The following MORN5 variants were observed in gnomAD, a reference collection of about 807,000 sequenced individuals.
MORN5 encodes MORN repeat containing 5, also known as MORN repeat-containing protein 5.
A neutral mutation model predicts 22.1 loss-of-function variants in MORN5; 21 were observed. The ratio of observed to expected loss-of-function variants is 0.95; its 90% confidence interval spans 0.67 to 1.37. MORN5 has a LOEUF of 1.37. Ranked by LOEUF, MORN5 falls within the 40% of genes most tolerant of loss-of-function variation. MORN5 has a pLI of 0.00. For missense variants in MORN5, 211 were observed against 215.1 expected (o/e 0.98, Z 0.12); for synonymous variants, 73 against 74.0 (o/e 0.99, Z 0.07).
intron 4 of MORN5, among the ~76,000 whole-genome samples, chr9:122,185,448 G>T (rs760907699): frequency 1.4e-5 from 2 of 143,876 alleles, no homozygotes; most frequent in East Asian, 1.9e-4. Context: ...GGATGGTCTC[G>T]ATCTCCTGAC....
chr9:122,185,884 C>A (rs1829622756), intron 4 of MORN5, among the ~76,000 whole-genome samples: 2 of 152,208 alleles, frequency 1.3e-5, no homozygotes, highest in Admixed American at 1.3e-4. Context: ...GCTTTCCTTG[C>A]AGTTTCTGCA....
Position 122,176,113 on chromosome 9 carries a change from G to A in MORN5, c.439+1486G>A, listed in dbSNP as rs571011265. 2.5e-4 allele frequency among the ~76,000 whole-genome samples: 33 copies of A among 130,954 alleles called. No homozygotes were observed. The East Asian group carries it at 6.6e-3, about 26-fold the overall frequency. 85.9% of individuals were successfully genotyped at this position (130,954 alleles called of 152,430 possible). ...AGCCTGGGCGACAGAGCAAGACTCC[G>A]TCTCAAAAAAAAAAAAAAAAAAAAG... On this transcript the variant is annotated intron_variant, in intron 4 of 4. Transcript: ENST00000373764.
intron 4 of MORN5, among the ~76,000 whole-genome samples, chr9:122,190,199 G>A (rs891244045): frequency 1.3e-5 from 2 of 152,210 alleles, no homozygotes; most frequent in Non-Finnish European, 2.9e-5. Context: ...CCCTGACTTA[G>A]CCCCATCCCA....
chr9:122,166,630 A>C (rs1180912029), intron 1 of MORN5, 138 bp from the exon 2 acceptor site: 1 of 754,576 alleles, frequency 1.3e-6, no homozygotes, highest in Non-Finnish European at 2.1e-6. Flanking sequence ...CAAAACAAAA[A>C]TTTTGTTTTC....
rs113852246 is a variant in MORN5 at position 122,199,656 on chromosome 9, TCCG to T, written c.440-226_440-224del. On this transcript the variant is annotated intron_variant, in intron 4 of 4. Transcript: ENST00000373764. Reference sequence around the variant, plus strand: ...GGTGGCCAGACTCCTCATGCTTGCCTCCGCCAGCAGCACCCACAGTTAGAAACC... The same window carrying T: ...GGTGGCCAGACTCCTCATGCTTGCCTCCAGCAGCACCCACAGTTAGAAACC... Among the ~76,000 whole-genome samples the T allele has an allele frequency of 5.4e-3, 815 of 152,232 alleles. 6 individuals are homozygous for T. Among genetic ancestry groups the T allele is most frequent in the African/African-American group, 0.018 (729 of 41,526 alleles).
chr9:122,165,793 A>T (rs1829267760), intron 1 of MORN5, among the ~76,000 whole-genome samples: 1 of 152,150 alleles, frequency 6.6e-6, no homozygotes, highest in East Asian at 1.9e-4. Flanking sequence ...AGCAAGTTGG[A>T]CCATCAGCAT....
chr9:122,162,744 C>T (rs1195217264), intron 1 of MORN5, among the ~76,000 whole-genome samples: 1 of 152,036 alleles, frequency 6.6e-6, no homozygotes, highest in Non-Finnish European at 1.5e-5. Context: ...CTGTATGATT[C>T]CATTTATGTA....
At chr9:122,172,212 C>T (rs989525825) in intron 3 of MORN5, among the ~76,000 whole-genome samples, 2 of 151,396 alleles carry the variant, frequency 1.3e-5, no homozygotes, top group South Asian at 4.2e-4. Flanking sequence ...CCTCAAGCAA[C>T]CTTCCCTCCT....
chr9:122,176,022 A>G (rs891946217), intron 4 of MORN5, among the ~76,000 whole-genome samples: 25 of 151,628 alleles, frequency 1.6e-4, no homozygotes. Flanking sequence ...GCAGGATGAG[A>G]CAGGAGAATG....
intron 4 of MORN5, among the ~76,000 whole-genome samples, chr9:122,194,086 G>A (rs879850266): frequency 4.6e-5 from 7 of 152,144 alleles, no homozygotes; most frequent in Admixed American, 2.0e-4. Flanking sequence ...AGGTGGCAGC[G>A]AGGTCACTTC....
At position 122,197,500 on chromosome 9, in the gene MORN5, G is replaced by A. The variant is rs1438607486; in HGVS notation, c.440-2385G>A. Among the ~76,000 whole-genome samples the A allele has an allele frequency of 2.0e-5, 3 of 152,190 alleles. No homozygotes were observed. Among genetic ancestry groups the A allele is most frequent in the African/African-American group, 4.8e-5 (2 of 41,448 alleles). ...CCTCACCCTGGCGTGGCAGGGCCAGGGGAGCCGCAGAGAGGCGCAGGGGAG... is the reference window on the plus strand; with the variant it reads ...CCTCACCCTGGCGTGGCAGGGCCAGAGGAGCCGCAGAGAGGCGCAGGGGAG... On this transcript the variant is annotated intron_variant, in intron 4 of 4. Coordinates refer to ENST00000373764, the MANE Select transcript of MORN5 (RefSeq NM_198469.4). The surrounding 1 kb of genome is among the most constrained non-coding windows in gnomAD (Gnocchi z 5.7).
chr9:122,199,990 T>C lies in MORN5; in HGVS notation c.*59T>C, dbSNP rs1169397090. Reference sequence around the variant, plus strand: ...ACTCTGTGGCTGCCTCCACCAGAGGTTTCCATCTGCCCTACTAGCATTGGC... The same window carrying C: ...ACTCTGTGGCTGCCTCCACCAGAGGCTTCCATCTGCCCTACTAGCATTGGC... On this transcript the variant is annotated 3_prime_UTR_variant, in exon 5 of 5. Transcript: ENST00000373764. 1.9e-6 allele frequency: 3 copies of C among 1,568,112 alleles called. No homozygotes were observed. Among genetic ancestry groups the C allele is most frequent in the Non-Finnish European group, 2.6e-6 (3 of 1,138,334 alleles).
chr9:122,192,523 C>G (rs544473998), intron 4 of MORN5, among the ~76,000 whole-genome samples: 91 of 149,308 alleles, frequency 6.1e-4, no homozygotes, highest in Non-Finnish European at 1.2e-3. Flanking sequence ...TTCAGGATCT[C>G]TTTTTCCCCC....
intron 4 of MORN5, among the ~76,000 whole-genome samples, chr9:122,196,705 G>C (rs925738901): frequency 6.6e-6 from 1 of 152,214 alleles, no homozygotes; most frequent in South Asian, 2.1e-4. Flanking sequence ...AAATAAAAGC[G>C]GAAAGAGAAA....
At position 122,197,889 on chromosome 9, in the gene MORN5, C is replaced by T. The variant is rs1373130613; in HGVS notation, c.440-1996C>T. Among the ~76,000 whole-genome samples, 1 of 152,202 alleles carries T rather than the reference C, an allele frequency of 6.6e-6. No homozygotes were observed. Among genetic ancestry groups the T allele is most frequent in the East Asian group, 1.9e-4 (1 of 5,190 alleles). On this transcript the variant is annotated intron_variant, in intron 4 of 4. Coordinates refer to ENST00000373764, the MANE Select transcript of MORN5 (RefSeq NM_198469.4). The surrounding 1 kb of genome is among the most constrained non-coding windows in gnomAD (Gnocchi z 5.7). ...TTTCCCCACCCCTGGATTTCCCAGC[C>T]GCAGCAGGGACTCCCAGGCAGCCTC...
chr9:122,184,189 AT>A (rs1829577027), intron 4 of MORN5, among the ~76,000 whole-genome samples: 1 of 152,118 alleles, frequency 6.6e-6, no homozygotes, highest in Non-Finnish European at 1.5e-5. Flanking sequence ...GGGTTAAGGA[AT>A]TTCCCCAGGA....
At chr9:122,196,686 A>G (rs192909136) in intron 4 of MORN5, among the ~76,000 whole-genome samples, 12 of 152,362 alleles carry the variant, frequency 7.9e-5, no homozygotes, top group Admixed American at 5.9e-4. Context: ...TAGTGAAAGA[A>G]GATTTGGGAA....
chr9:122,187,598 G>C (rs1440415039), intron 4 of MORN5, among the ~76,000 whole-genome samples: 4 of 152,216 alleles, frequency 2.6e-5, no homozygotes, highest in African/African-American at 7.2e-5. Context: ...TCTGGATAGA[G>C]GCCTGGGCCC....
intron 4 of MORN5, among the ~76,000 whole-genome samples, chr9:122,192,848 G>C (rs530354704): frequency 2.6e-5 from 4 of 152,220 alleles, no homozygotes; most frequent in African/African-American, 9.6e-5. Context: ...TTTGCCCAGG[G>C]TGGGGAAGAA....
Sources: allele counts gnomAD v4.1 joint callset (sites outside exome capture counted in the v4.1 genomes callset), GRCh38; gene constraint gnomAD v4.1.1; non-coding constraint Gnocchi (gnomAD v3.1); transcripts MANE v1.5; gene names NCBI Gene and HGNC (gene_info 2026-07-23, HGNC 2026-07-21).